CAMTA1: variants seen among roughly 807,000 people sequenced by gnomAD.
The protein encoded by CAMTA1 is calmodulin-binding transcription activator 1.
Under a neutral mutation model 170.9 loss-of-function variants are expected in CAMTA1, and 27 were observed. That is an observed-to-expected ratio of 0.16 (90% CI 0.12 to 0.22). CAMTA1 has a LOEUF of 0.22. CAMTA1 is among the 10% of genes least tolerant of loss of function. The pLI is 1.00. For missense variants in CAMTA1, 1,619 were observed against 2,217.2 expected (o/e 0.73, Z 5.42); for synonymous variants, 833 against 891.5 (o/e 0.93, Z 1.17).
chr1:7,610,340 C>T (rs72630512), intron 6 of CAMTA1, among the ~76,000 whole-genome samples: 20,483 of 152,172 alleles, frequency 0.13, 1,495 homozygotes, highest in African/African-American at 0.15. Flanking sequence ...ATCACCAGGA[C>T]CTGCCTGGCT....
At chr1:7,268,911 G>A (rs1331213492) in intron 5 of CAMTA1, among the ~76,000 whole-genome samples, 1 of 152,290 alleles carries the variant, frequency 6.6e-6, no homozygotes, top group Middle Eastern at 3.4e-3. Context: ...CCATTTAAAG[G>A]AAAAGAAGAA....
chr1:7,616,917 A>G (rs2095562693), intron 6 of CAMTA1, among the ~76,000 whole-genome samples: 1 of 152,242 alleles, frequency 6.6e-6, no homozygotes, highest in South Asian at 2.1e-4. Flanking sequence ...TTGGGGCTCT[A>G]TAAAATAAGG....
intron 6 of CAMTA1, among the ~76,000 whole-genome samples, chr1:7,497,253 G>A (rs2093844247): frequency 6.6e-6 from 1 of 152,116 alleles, no homozygotes; most frequent in Admixed American, 6.5e-5. Flanking sequence ...GCTGGTCACA[G>A]ACACTGCGCT....
At position 7,242,056 on chromosome 1, in the gene CAMTA1, G is replaced by A. The variant is rs1026102692; in HGVS notation, c.303-7435G>A. Among the ~76,000 whole-genome samples, 7 of 152,214 alleles carry A rather than the reference G, an allele frequency of 4.6e-5. 1 individual carries two copies. The Middle Eastern group carries it at 0.02, about 444-fold the overall frequency. ...GAAAGTATTTGCAAATCATATGTCTGATAAAGGACTTGTATCTAGATTATA... is the reference window on the plus strand; with the variant it reads ...GAAAGTATTTGCAAATCATATGTCTAATAAAGGACTTGTATCTAGATTATA... On this transcript the variant is annotated intron_variant, in intron 4 of 22. Transcript: ENST00000303635.
intron 6 of CAMTA1, among the ~76,000 whole-genome samples, chr1:7,582,491 C>T (rs940831705): frequency 2.0e-5 from 3 of 152,136 alleles, no homozygotes; most frequent in Non-Finnish European, 4.4e-5. Context: ...AACAGAGGCT[C>T]AATGGATAAA....
Position 7,493,298 on chromosome 1 carries a change from C to G in CAMTA1, c.510+25397C>G, listed in dbSNP as rs544079583. 1.7e-4 allele frequency among the ~76,000 whole-genome samples: 22 copies of G among 129,816 alleles called. 1 individual carries two copies. The highest frequency in any genetic ancestry group is 7.2e-4 in the African/African-American group (22 of 30,500). The allele number at this position is 129,816 out of a possible 152,430, so 85.2% of individuals were successfully genotyped here. A position where few individuals can be genotyped will look rare whatever the true frequency, so the allele number is the denominator to read the frequency against. On this transcript the variant is annotated intron_variant, in intron 6 of 22. Coordinates refer to ENST00000303635, the MANE Select transcript of CAMTA1 (RefSeq NM_015215.4). The stretch of plus-strand genomic sequence containing the variant: ...AAACATACACGCGCACAAACACAAA[C>G]ATACAAATGCGCACACAAACAAACC...
chr1:7,372,318 A>G (rs901866861), intron 5 of CAMTA1, among the ~76,000 whole-genome samples: 1 of 152,212 alleles, frequency 6.6e-6, no homozygotes, highest in African/African-American at 2.4e-5. Context: ...CAATAAGCAC[A>G]AATCTAGGTA....
At chr1:7,269,526 G>A (rs12039423) in intron 5 of CAMTA1, among the ~76,000 whole-genome samples, 30,373 of 152,094 alleles carry the variant, frequency 0.2, 3,271 homozygotes, top group East Asian at 0.43. Flanking sequence ...ATTACACAAG[G>A]GATTGAATAC....
At chr1:7,510,036 C>G (rs150215258) in intron 6 of CAMTA1, among the ~76,000 whole-genome samples, 1,600 of 109,398 alleles carry the variant, frequency 0.015, 102 homozygotes, top group African/African-American at 0.043. Context: ...CACTGTCCTC[C>G]GAGGCCATCC....
chr1:7,493,269 A>G (rs62653661), intron 6 of CAMTA1, among the ~76,000 whole-genome samples: 98,163 of 148,736 alleles, frequency 0.66, 33,590 homozygotes, highest in African/African-American at 0.84. Context: ...GTACACACGC[A>G]CACAAACATA....
At chr1:6,916,822 G>T (rs1680910002) in intron 3 of CAMTA1, among the ~76,000 whole-genome samples, 1 of 152,248 alleles carries the variant, frequency 6.6e-6, no homozygotes, top group Non-Finnish European at 1.5e-5. Context: ...CTTATTCCGT[G>T]CAGATGTCAT....
intron 4 of CAMTA1, among the ~76,000 whole-genome samples, chr1:7,111,880 A>G (rs12124889): frequency 1.7e-5 from 2 of 114,290 alleles, no homozygotes; most frequent in Admixed American, 1.0e-4. Context: ...GCAAGACTCC[A>G]TCTCCAAAAA....
chr1:7,087,759 A>G (rs1441356398), intron 3 of CAMTA1, among the ~76,000 whole-genome samples: 2 of 152,204 alleles, frequency 1.3e-5, no homozygotes, highest in Non-Finnish European at 2.9e-5. Context: ...GGTCCCACAT[A>G]AGTCCTAGGG....
chr1:7,340,550 C>CTCCCTCCCTCCCTCCT lies in CAMTA1; in HGVS notation c.438+90925_438+90926insCCCTCCCTCCCTCCTT, dbSNP rs1171490224. Among the ~76,000 whole-genome samples the CTCCCTCCCTCCCTCCT allele has an allele frequency of 1.1e-3, 141 of 124,902 alleles. 1 individual carries two copies. Among genetic ancestry groups the CTCCCTCCCTCCCTCCT allele is most frequent in the Non-Finnish European group, 2.1e-3 (119 of 56,892 alleles). The allele number at this position is 124,902 out of a possible 152,430, so 81.9% of individuals were successfully genotyped here. ...GCTAATGTGCTGCCTGCCTGCCTGC[C>CTCCCTCCCTCCCTCCT]TGCCTCCCTCCCTCCCTTCCTTCCT... On this transcript the variant is annotated intron_variant, in intron 5 of 22. Coordinates refer to ENST00000303635, the MANE Select transcript of CAMTA1 (RefSeq NM_015215.4).
At chr1:7,170,397 G>A (rs1204705005) in intron 4 of CAMTA1, among the ~76,000 whole-genome samples, 1 of 151,160 alleles carries the variant, frequency 6.6e-6, no homozygotes, top group East Asian at 1.9e-4. Flanking sequence ...TGCTGCACCC[G>A]TCAACCCATC....
intron 5 of CAMTA1, among the ~76,000 whole-genome samples, chr1:7,256,782 G>C (rs1667439654): frequency 6.6e-6 from 1 of 152,174 alleles, no homozygotes; most frequent in Non-Finnish European, 1.5e-5. Context: ...GGCGGATTTG[G>C]TGTCTGGTGA....
intron 11 of CAMTA1, among the ~76,000 whole-genome samples, chr1:7,704,369 G>A (rs1409196855): frequency 6.8e-6 from 1 of 146,206 alleles, no homozygotes; most frequent in African/African-American, 2.4e-5. Context: ...GCTCCGAGCC[G>A]TCCCGGCCTC....
At chr1:7,430,317 C>A (rs2796489) in intron 5 of CAMTA1, among the ~76,000 whole-genome samples, 62,210 of 150,756 alleles carry the variant, frequency 0.41, 13,504 homozygotes, top group East Asian at 0.63. Context: ...GCTGCTGCTG[C>A]TGATGGCAGT....
chr1:7,315,907 A>G (rs571655651), intron 5 of CAMTA1, among the ~76,000 whole-genome samples: 22 of 152,212 alleles, frequency 1.4e-4, no homozygotes, highest in African/African-American at 5.3e-4. Context: ...ACTACCTGAG[A>G]CTGGGTAATT....
Sources: allele counts gnomAD v4.1 joint callset (sites outside exome capture counted in the v4.1 genomes callset), GRCh38; gene constraint gnomAD v4.1.1; transcripts MANE v1.5; gene names NCBI Gene and HGNC (gene_info 2026-07-23, HGNC 2026-07-21).